Variants in ARHGAP10 observed in about 807,000 individuals in gnomAD.
ARHGAP10 encodes rho GTPase-activating protein 10.
A neutral mutation model predicts 108.6 loss-of-function variants in ARHGAP10; 87 were observed. The observed-to-expected ratio is 0.80, with a 90% CI of 0.67 to 0.96. The LOEUF is 0.96. Among genes scored for constraint, ARHGAP10 ranks in the 40% least tolerant of loss-of-function variants. The probability of loss-of-function intolerance (pLI) is 0.00; values close to 1 mark genes in which losing one functional copy is unlikely to be tolerated. For synonymous variants in ARHGAP10, 347 were observed against 341.1 expected, an observed-to-expected ratio of 1.02 and a Z score of -0.19; for missense variants, 939 against 954.5, an observed-to-expected ratio of 0.98 and a Z score of 0.21.
chr4:147,899,112 C>G (rs1560816451), intron 10 of ARHGAP10, among the ~76,000 whole-genome samples: 2 of 152,170 alleles, frequency 1.3e-5, no homozygotes, highest in Non-Finnish European at 2.9e-5. Flanking sequence ...CTCAGACTTC[C>G]TCATGAGCGC....
rs756091863 is a variant in ARHGAP10 at position 147,879,286 on chromosome 4, C to A, written c.887C>A (p.Ala296Glu). ...AAACACTATTGCATGTATCGAAAAG[C>A]AGCAAAGAAGTTCAACATGATCCCA... ...WVKHYCMYRK[A>E]AKKFNMIPFE... The change falls in exon 9 of 23, where the codon GCA (alanine) becomes GAA (glutamate). Residue 296 changes from alanine (A) to glutamate (E), a missense_variant. Coordinates refer to ENST00000336498, the MANE Select transcript of ARHGAP10 (RefSeq NM_024605.4). 4.7e-5 allele frequency: 76 copies of A among 1,614,028 alleles called. No individual in the cohort carries two copies. Among genetic ancestry groups the A allele is most frequent in the Middle Eastern group, 1.7e-4 (1 of 6,060 alleles).
chr4:147,935,922 C>T (rs1464620573), intron 13 of ARHGAP10, among the ~76,000 whole-genome samples: 1 of 152,168 alleles, frequency 6.6e-6, no homozygotes, highest in Non-Finnish European at 1.5e-5. Context: ...TTACTTCTCT[C>T]AGGTTGATGA....
intron 19 of ARHGAP10, among the ~76,000 whole-genome samples, chr4:148,032,096 C>A (rs115294075): frequency 1.3e-5 from 2 of 151,972 alleles, no homozygotes; most frequent in African/African-American, 2.4e-5. Context: ...TCCTCCCACT[C>A]CTCTCCCCTT....
At chr4:147,825,229 C>T (rs1278341877) in intron 3 of ARHGAP10, among the ~76,000 whole-genome samples, 2 of 152,144 alleles carry the variant, frequency 1.3e-5, no homozygotes, top group Non-Finnish European at 2.9e-5. Flanking sequence ...GTGGGTGGAT[C>T]ACCTGAGGTC....
chr4:147,853,364 G>A (rs1180699752), intron 4 of ARHGAP10, among the ~76,000 whole-genome samples: 1 of 152,196 alleles, frequency 6.6e-6, no homozygotes, highest in Non-Finnish European at 1.5e-5. Context: ...CCATATTTAA[G>A]TTCTTCTCTA....
chr4:147,899,339 G>C (rs1404250373), intron 10 of ARHGAP10, among the ~76,000 whole-genome samples: 1 of 149,086 alleles, frequency 6.7e-6, no homozygotes, highest in African/African-American at 2.6e-5. Context: ...GTGTGTGTGT[G>C]TGTGTCTGTG....
chr4:147,991,054 T>A (rs886990442), intron 18 of ARHGAP10, among the ~76,000 whole-genome samples: 1 of 151,646 alleles, frequency 6.6e-6, no homozygotes, highest in Admixed American at 6.6e-5. Flanking sequence ...TTTACTATGC[T>A]TTTCACCTTG....
At chr4:148,029,804 AG>A (rs1728053418) in intron 19 of ARHGAP10, among the ~76,000 whole-genome samples, 1 of 152,200 alleles carries the variant, frequency 6.6e-6, no homozygotes. Flanking sequence ...ATCTAAGACC[AG>A]GCTTGAATGT....
Position 147,732,397 on chromosome 4 carries a change from C to T in ARHGAP10, c.96C>T (p.Thr32=). Reference sequence around the variant, plus strand: ...CTCACGAAGCGGAACTCGAGAGGACCAACAAGTTCATCAAAGAGCTCATTA... The same window carrying T: ...CTCACGAAGCGGAACTCGAGAGGACTAACAAGTTCATCAAAGAGCTCATTA... ...IRAHEAELER[T]NKFIKELIKD... The change falls in exon 1 of 23, where the codon ACC becomes ACT. Residue 32 remains threonine (T), a synonymous_variant. Transcript: ENST00000336498. 6.2e-7 allele frequency: 1 copy of T among 1,613,426 alleles called. No homozygotes were observed. The highest frequency in any genetic ancestry group is 1.1e-5 in the South Asian group (1 of 91,026).
intron 3 of ARHGAP10, among the ~76,000 whole-genome samples, chr4:147,846,746 C>T (rs142116745): frequency 1.6e-3 from 248 of 152,268 alleles, no homozygotes; most frequent in Non-Finnish European, 2.6e-3. Flanking sequence ...TAGTTCTTTA[C>T]ATAATGTAGT....
At chr4:147,993,451 A>G (rs578262000) in intron 18 of ARHGAP10, among the ~76,000 whole-genome samples, 61 of 152,346 alleles carry the variant, frequency 4.0e-4, no homozygotes, top group African/African-American at 1.4e-3. Context: ...TGTTGCTAGC[A>G]TCCTTGTATA....
intron 10 of ARHGAP10, among the ~76,000 whole-genome samples, chr4:147,885,933 G>T (rs968011850): frequency 6.6e-6 from 1 of 152,176 alleles, no homozygotes; most frequent in African/African-American, 2.4e-5. Context: ...GCTTCCAAAT[G>T]CAAAAATTTT....
chr4:147,881,962 A>T (rs1560807506), intron 10 of ARHGAP10, 30 bp downstream of exon 10: 1 of 1,594,310 alleles, frequency 6.3e-7, no homozygotes, highest in Non-Finnish European at 8.6e-7. Flanking sequence ...GGACATGGTG[A>T]AAGAGTCGTT....
intron 8 of ARHGAP10, among the ~76,000 whole-genome samples, chr4:147,875,470 C>G (rs1735020646): frequency 6.6e-6 from 1 of 152,168 alleles, no homozygotes; most frequent in Non-Finnish European, 1.5e-5. Context: ...GAAAATGAGC[C>G]AGAGTTACGA....
chr4:148,062,661 C>G lies in ARHGAP10; in HGVS notation c.2028-487C>G, dbSNP rs545457792. On this transcript the variant is annotated intron_variant, in intron 20 of 22. Transcript: ENST00000336498. ...TTCATTGGTTTCGAAGTCTTTGGCC[C>G]TCTCTAGAGGAAGCCTGAATCCAGT... Among the ~76,000 whole-genome samples the G allele has an allele frequency of 5.9e-5, 9 of 152,298 alleles. 1 individual carries two copies. The Middle Eastern group carries it at 0.02, about 345-fold the overall frequency.
At chr4:148,049,518 C>A (rs1480737493) in intron 20 of ARHGAP10, among the ~76,000 whole-genome samples, 1 of 152,094 alleles carries the variant, frequency 6.6e-6, no homozygotes, top group Non-Finnish European at 1.5e-5. Flanking sequence ...AAATATCTGT[C>A]CTGCTTTTTT....
intron 16 of ARHGAP10, among the ~76,000 whole-genome samples, chr4:147,962,953 G>T (rs1051726183): frequency 3.3e-5 from 5 of 152,172 alleles, no homozygotes; most frequent in Non-Finnish European, 7.3e-5. Context: ...GAGCCACTGT[G>T]CCTGGCCACC....
At chr4:147,890,395 A>G (rs1478479917) in intron 10 of ARHGAP10, among the ~76,000 whole-genome samples, 1 of 152,182 alleles carries the variant, frequency 6.6e-6, no homozygotes, top group Non-Finnish European at 1.5e-5. Context: ...ACCATTTAAG[A>G]CCACAGATTT....
chr4:147,963,078 T>C (rs1739061868), intron 16 of ARHGAP10, among the ~76,000 whole-genome samples: 1 of 152,214 alleles, frequency 6.6e-6, no homozygotes, highest in South Asian at 2.1e-4. Context: ...TCCCCAAATA[T>C]AACTCTATTC....
Sources: allele counts gnomAD v4.1 joint callset (sites outside exome capture counted in the v4.1 genomes callset), GRCh38; gene constraint gnomAD v4.1.1; transcripts MANE v1.5; gene names NCBI Gene and HGNC (gene_info 2026-07-23, HGNC 2026-07-21).